Variants in BRWD1 observed in about 807,000 individuals in gnomAD.
BRWD1 encodes the protein bromodomain and WD repeat-containing protein 1.
BRWD1 carries 82 observed loss-of-function variants against 251.2 expected under a neutral mutation model. That is an observed-to-expected ratio of 0.33 (90% CI 0.27 to 0.39). BRWD1 has a LOEUF of 0.39. BRWD1 is among the 10% of genes least tolerant of loss of function. The pLI, the probability that BRWD1 is intolerant of heterozygous loss-of-function variation, is 1.00. For missense variants in BRWD1, 2,233 were observed against 2,711.6 expected, an observed-to-expected ratio of 0.82 and a Z score of 3.92; for synonymous variants, 918 against 902.8, an observed-to-expected ratio of 1.02 and a Z score of -0.30.
chr21:39,297,131 T>C (rs528593831), intron 5 of BRWD1: 1 of 985,228 alleles, frequency 1.0e-6, no homozygotes, highest in East Asian at 1.1e-4. Context: ...GAAAAAAAAG[T>C]CTGCCCTCCT....
chr21:39,255,950 A>G, intron 18 of BRWD1, 122 bp from the exon 19 acceptor site: 4 of 873,984 alleles, frequency 4.6e-6, no homozygotes, highest in Non-Finnish European at 6.9e-6. Flanking sequence ...AGAAGATAGT[A>G]TCTACTGAAA....
At position 39,189,039 on chromosome 21, in the gene BRWD1, A is replaced by T. The variant is rs2031403876; in HGVS notation, c.*7220T>A. On this transcript the variant is annotated 3_prime_UTR_variant, in exon 41 of 41. Coordinates refer to ENST00000342449, the MANE Select transcript of BRWD1 (RefSeq NM_033656.4). ...CAAAGACACTTCTCTTGGGAATTTT[A>T]AAATTATGAACTAGTATCTCCAACA... The T allele has an allele frequency of 8.1e-6, 8 of 985,300 alleles. No individual in the cohort carries two copies. Among genetic ancestry groups the T allele is most frequent in the Non-Finnish European group, 9.6e-6 (8 of 829,792 alleles). The allele number at this position is 985,300 out of a possible 1,614,324, so 61.0% of individuals were successfully genotyped here.
At chr21:39,206,334 A>T in intron 36 of BRWD1, 60 bp from the exon 37 acceptor site, 1 of 1,245,818 alleles carries the variant, frequency 8.0e-7, no homozygotes, top group South Asian at 1.5e-5. Flanking sequence ...CTTAAGAAAT[A>T]ATTGTAATCA....
rs146623432 is a variant in BRWD1, at chr21:39,201,511, C to T, written c.4585+814G>A. ...CCATTGTTTGTAACATTCCCCAAAA[C>T]GGTCTTTTCATTTGCACAAAATGCA... On this transcript the variant is annotated intron_variant, in intron 38 of 40. Coordinates refer to ENST00000342449, the MANE Select transcript of BRWD1 (RefSeq NM_033656.4). Among the ~76,000 whole-genome samples, 8 of 152,308 alleles carry T rather than the reference C, an allele frequency of 5.3e-5. No homozygotes were observed. The East Asian group carries it at 1.2e-3, about 22-fold the overall frequency.
chr21:39,205,866 G>A (rs1043148554), intron 37 of BRWD1, among the ~76,000 whole-genome samples: 9 of 152,022 alleles, frequency 5.9e-5, no homozygotes, highest in Admixed American at 2.0e-4. Flanking sequence ...GATCACCTGC[G>A]GTCAGGAGTT....
intron 5 of BRWD1, chr21:39,298,224 C>A (rs1387487686): frequency 9.9e-6 from 12 of 1,213,254 alleles, no homozygotes; most frequent in Non-Finnish European, 7.2e-6. Context: ...ACATCTATAT[C>A]TTTATCAACT....
chr21:39,313,268 C>A lies in BRWD1; in HGVS notation c.81G>T (p.Ser27=), dbSNP rs1390555064. The A allele has an allele frequency of 1.3e-6, 2 of 1,561,840 alleles. No individual in the cohort carries two copies. The highest frequency in any genetic ancestry group is 3.5e-5 in the Admixed American group (2 of 56,536). Residue 27 remains serine, a synonymous_variant, in exon 2 of 41, where the codon TCG becomes TCT. Coordinates refer to ENST00000342449, the MANE Select transcript of BRWD1 (RefSeq NM_033656.4). ...GGGCCGCTCTCCGACACGGGCCCGC[C>A]GATAGGTACCGGGCGATAAGGAAGT... ...ELYFLIARYL[S]AGPCRRAAQV... is the part of the protein sequence containing the mutation.
At chr21:39,208,720 C>T (rs2032526344) in intron 36 of BRWD1, among the ~76,000 whole-genome samples, 1 of 151,958 alleles carries the variant, frequency 6.6e-6, no homozygotes, top group African/African-American at 2.4e-5. Context: ...TACAGGCAAG[C>T]GCCAACACGG....
intron 8 of BRWD1, among the ~76,000 whole-genome samples, chr21:39,282,433 G>A (rs1259997777): frequency 6.6e-6 from 1 of 152,040 alleles, no homozygotes; most frequent in Non-Finnish European, 1.5e-5. Context: ...AGCTTTGCAG[G>A]CTATCTCATT....
intron 5 of BRWD1, chr21:39,297,041 A>C: frequency 1.0e-6 from 1 of 985,410 alleles, no homozygotes. Context: ...TCCTCTACTG[A>C]AGAGCACATA....
chr21:39,267,547 C>A (rs2034963363), intron 15 of BRWD1, among the ~76,000 whole-genome samples: 1 of 151,930 alleles, frequency 6.6e-6, no homozygotes, highest in Non-Finnish European at 1.5e-5. Context: ...TGCAGTGAGC[C>A]GAGACCACAC....
At chr21:39,285,764 A>C (rs1384587921) in intron 8 of BRWD1, among the ~76,000 whole-genome samples, 1 of 151,622 alleles carries the variant, frequency 6.6e-6, no homozygotes, top group African/African-American at 2.4e-5. Flanking sequence ...CTACTCAAAA[A>C]ACACACACAA....
Position 39,189,538 on chromosome 21 carries a change from A to C in BRWD1, c.*6721T>G, listed in dbSNP as rs946437137. Reference sequence around the variant, plus strand: ...AAATACTTAAGGAAATTTGAACTTCAGTAACTATGCCCAAGGGAGGGAGAA... The same window carrying C: ...AAATACTTAAGGAAATTTGAACTTCCGTAACTATGCCCAAGGGAGGGAGAA... On this transcript the variant is annotated 3_prime_UTR_variant, in exon 41 of 41. Coordinates refer to ENST00000342449, the MANE Select transcript of BRWD1 (RefSeq NM_033656.4). 9 of 983,652 alleles carry C rather than the reference A, an allele frequency of 9.1e-6. No individual in the cohort carries two copies. Among genetic ancestry groups the C allele is most frequent in the Non-Finnish European group, 1.1e-5 (9 of 828,326 alleles). The allele number at this position is 983,652 out of a possible 1,614,324, so 60.9% of individuals were successfully genotyped here.
intron 4 of BRWD1, among the ~76,000 whole-genome samples, chr21:39,305,987 A>T (rs1281093482): frequency 6.6e-6 from 1 of 151,800 alleles, no homozygotes; most frequent in Non-Finnish European, 1.5e-5. Context: ...TGAGCCATTC[A>T]TTATTGGGTC....
intron 17 of BRWD1, among the ~76,000 whole-genome samples, chr21:39,261,981 T>G (rs1294699028): frequency 6.6e-6 from 1 of 152,170 alleles, no homozygotes; most frequent in Admixed American, 6.5e-5. Context: ...CTGACAAAGA[T>G]ATACCATGAC....
rs985034162 is a variant in BRWD1 at position 39,190,968 on chromosome 21, C to A, written c.*5291G>T. 3 of 985,216 alleles carry A rather than the reference C, an allele frequency of 3.0e-6. No individual in the cohort carries two copies. The highest frequency in any genetic ancestry group is 3.6e-6 in the Non-Finnish European group (3 of 829,804). The allele number at this position is 985,216 out of a possible 1,614,324, so 61.0% of individuals were successfully genotyped here. On this transcript the variant is annotated 3_prime_UTR_variant, in exon 41 of 41. Coordinates refer to ENST00000342449, the MANE Select transcript of BRWD1 (RefSeq NM_033656.4). ...CTCATCACAATACAGTTTTCTCTCA[C>A]CCCTAGAAAAACTCAGATTTGTGAT... is the stretch of plus-strand genomic sequence containing the variant.
upstream of BRWD1, among the ~76,000 whole-genome samples, chr21:39,316,186 T>C (rs565396051): frequency 1.3e-5 from 2 of 152,230 alleles, 1 homozygote; most frequent in Admixed American, 1.3e-4. Flanking sequence ...CATGAGGGCG[T>C]TGGTCATAAG....
chr21:39,312,749 C>T, intron 4 of BRWD1, 92 bp downstream of exon 4: 2 of 1,017,316 alleles, frequency 2.0e-6, no homozygotes, highest in Non-Finnish European at 2.9e-6. Context: ...TCACACTTTG[C>T]ACCCCACGGG....
intron 17 of BRWD1, among the ~76,000 whole-genome samples, chr21:39,262,977 G>A (rs540439135): frequency 1.3e-5 from 2 of 152,036 alleles, no homozygotes; most frequent in East Asian, 3.9e-4. Flanking sequence ...TTAGCCAGGT[G>A]TGTTAGCACA....
Sources: gnomAD v4.1 joint callset for allele counts (sites outside exome capture counted in the v4.1 genomes callset) on GRCh38, gnomAD v4.1.1 for gene constraint, MANE v1.5 for transcripts, NCBI Gene and HGNC (gene_info 2026-07-23, HGNC 2026-07-21) for gene names.